The following ATXN7L2 variants were observed in gnomAD, a reference collection of about 807,000 sequenced individuals.
The protein encoded by ATXN7L2 is ataxin 7 like 2.
Under a neutral mutation model 59.6 loss-of-function variants are expected in ATXN7L2, and 17 were observed. The observed-to-expected ratio is 0.29, with a 90% confidence interval of 0.20 to 0.43. The LOEUF (loss-of-function observed/expected upper bound fraction) is 0.43. ATXN7L2 is among the 20% of genes least tolerant of loss of function. The probability of loss-of-function intolerance (pLI) is 1.00; values close to 1 mark genes in which losing one functional copy is unlikely to be tolerated. For missense variants in ATXN7L2, 858 were observed against 1,008.9 expected, an observed-to-expected ratio of 0.85 and a Z score of 2.03; for synonymous variants, 378 against 392.5, an observed-to-expected ratio of 0.96 and a Z score of 0.44.
Position 109,490,277 on chromosome 1 carries a change from A to G in ATXN7L2, c.1339A>G (p.Thr447Ala). 2 of 1,613,664 alleles carry G rather than the reference A, an allele frequency of 1.2e-6. No individual in the cohort carries two copies. Among genetic ancestry groups the G allele is most frequent in the Non-Finnish European group, 1.7e-6 (2 of 1,179,966 alleles). Residue 447 changes from threonine (T) to alanine (A), a missense_variant, in exon 9 of 11, where the codon ACC becomes GCC. By Grantham distance (58) the Thr-to-Ala change is moderately conservative. Transcript: ENST00000683729. ...ACCTTCCTTCTGCCTTTAGTTCTGCACCTTTGGGAGCCGGCTGGTGAGCCC... is the reference window on the plus strand; with the variant it reads ...ACCTTCCTTCTGCCTTTAGTTCTGCGCCTTTGGGAGCCGGCTGGTGAGCCC... ...TRPPRPQAFCTFGSRLVSPGC... is the reference protein window; with the variant it reads ...TRPPRPQAFCAFGSRLVSPGC...
At position 109,490,037 on chromosome 1, in the gene ATXN7L2, C is replaced by T. The variant is rs1380454369; in HGVS notation, c.1241C>T (p.Ser414Phe). Residue 414 changes from serine (S) to phenylalanine (F), a missense_variant, in exon 8 of 11, where the codon TCC becomes TTC. Transcript: ENST00000683729. ...FPMPRGGTQA[S>F]SEESEEEGTS... ...ATGCCCCGGGGTGGGACCCAGGCCT[C>T]CAGCGAAGAGAGTGAGGAGGAGGGG... 6.2e-7 allele frequency: 1 copy of T among 1,612,130 alleles called. No homozygotes were observed. Among genetic ancestry groups the T allele is most frequent in the Admixed American group, 1.7e-5 (1 of 59,580 alleles).
intron 7 of ATXN7L2, chr1:109,489,682 C>G: frequency 1.8e-6 from 1 of 557,348 alleles, no homozygotes; most frequent in South Asian, 2.2e-5. Flanking sequence ...AGCAGATTAT[C>G]CCCTGAGGAG....
rs377314546 is a variant in ATXN7L2 at position 109,490,097 on chromosome 1, A to G, written c.1301A>G (p.His434Arg). 1.6e-4 allele frequency: 248 copies of G among 1,589,156 alleles called. 1 individual carries two copies. Among genetic ancestry groups the G allele is most frequent in the Non-Finnish European group, 2.0e-4 (238 of 1,167,240 alleles). ...SDDLHPPPDCHYATRPPRPQA... is the reference protein window; with the variant it reads ...SDDLHPPPDCRYATRPPRPQA... ...GACCTCCACCCACCCCCTGACTGCC[A>G]TTATGCAACCCGGCCCCCACGGCCA... The change falls in exon 8 of 11, where the codon CAT becomes CGT. Residue 434 changes from histidine to arginine, a missense_variant. Physicochemically the swap from His to Arg is conservative, Grantham distance 29. This residue lies in a region of ATXN7L2 where 734 missense variants were observed against 862.3 expected (regional missense o/e 0.85). Transcript: ENST00000683729.
At chr1:109,492,554 G>C (rs573307299) in intron 10 of ATXN7L2, 32 bp from the exon 11 acceptor site, 2 of 1,613,814 alleles carry the variant, frequency 1.2e-6, no homozygotes, top group East Asian at 4.5e-5. Context: ...CCCCCACCCT[G>C]ACCCTTTCTC....
At position 109,488,210 on chromosome 1, in the gene ATXN7L2, A is replaced by G. The variant is rs937212116; in HGVS notation, c.797-173A>G. ...TGGGATAGGGATGGTTCTCACACCCAGCAAGGAGATGTTGATGCCCAGAAG... is the reference window on the plus strand; with the variant it reads ...TGGGATAGGGATGGTTCTCACACCCGGCAAGGAGATGTTGATGCCCAGAAG... On this transcript the variant is annotated intron_variant, in intron 5 of 10. Transcript: ENST00000683729. The surrounding 1 kb of genome is among the most constrained non-coding windows in gnomAD (Gnocchi z 5.0). 2.6e-5 allele frequency among the ~76,000 whole-genome samples: 4 copies of G among 152,252 alleles called. No individual in the cohort carries two copies. Among genetic ancestry groups the G allele is most frequent in the African/African-American group, 9.6e-5 (4 of 41,464 alleles).
chr1:109,485,279 G>A, intron 1 of ATXN7L2: 8 of 977,690 alleles, frequency 8.2e-6, no homozygotes, highest in Non-Finnish European at 9.7e-6. Context: ...AGAGGTAGGG[G>A]GATGGGGAAA....
Position 109,488,966 on chromosome 1 carries a change from G to T in ATXN7L2, c.999G>T (p.Gly333=), listed in dbSNP as rs1407544547. 2 of 1,614,066 alleles carry T rather than the reference G, an allele frequency of 1.2e-6. No individual in the cohort carries two copies. The highest frequency in any genetic ancestry group is 1.7e-6 in the Non-Finnish European group (2 of 1,180,022). The change falls in exon 7 of 11, where the codon GGG becomes GGT. Residue 333 remains glycine (G), a synonymous_variant. Coordinates refer to ENST00000683729, the MANE Select transcript of ATXN7L2 (RefSeq NM_001350175.2). This position sits in a 1 kb window ranked among gnomAD's most constrained non-coding sequence, Gnocchi z 5.0. ...KGESPKEKSP[G]RKEQVLERPS... ...AGTCTCCCAAGGAGAAGAGCCCAGG[G>T]CGCAAGGAGCAAGTTCTCGAGCGCC...
intron 7 of ATXN7L2, chr1:109,489,663 C>T (rs770933919): frequency 5.7e-6 from 3 of 527,510 alleles, no homozygotes; most frequent in Admixed American, 3.6e-5. Flanking sequence ...CTGGAGGAGG[C>T]GGATCTGCAG....
At chr1:109,492,742 T>A, downstream of ATXN7L2, 1 of 914,548 alleles carries the variant, frequency 1.1e-6, no homozygotes. Flanking sequence ...CAAGACTGTC[T>A]CCCTGTTCTG....
chr1:109,492,242 T>G, intron 10 of ATXN7L2: 1 of 540,744 alleles, frequency 1.8e-6, no homozygotes, highest in Non-Finnish European at 2.6e-6. Flanking sequence ...GGGTTTCCAG[T>G]AAAGCCTGCA....
chr1:109,486,546 C>T lies in ATXN7L2; in HGVS notation c.234C>T (p.Phe78=), dbSNP rs1016876402. The change falls in exon 3 of 11, where the codon TTC becomes TTT. Residue 78 remains phenylalanine, a synonymous_variant. Transcript: ENST00000683729. The surrounding 1 kb of genome is among the most constrained non-coding windows in gnomAD (Gnocchi z 4.3). ...IFGHCPAHDD[F]YLVVCNHCSQ... is the part of the protein sequence containing the mutation. ...GGCACTGCCCTGCCCATGATGACTTCTACTTGGTTGTGTGTAACCACTGCA... is the reference window on the plus strand; with the variant it reads ...GGCACTGCCCTGCCCATGATGACTTTTACTTGGTTGTGTGTAACCACTGCA... 6.2e-7 allele frequency: 1 copy of T among 1,614,158 alleles called. No individual in the cohort carries two copies. The highest frequency in any genetic ancestry group is 8.5e-7 in the Non-Finnish European group (1 of 1,179,982).
At chr1:109,490,801 C>T (rs922277647) in intron 9 of ATXN7L2, 121 bp from the exon 10 acceptor site, 2 of 1,167,928 alleles carry the variant, frequency 1.7e-6, no homozygotes, top group Non-Finnish European at 2.4e-6. Flanking sequence ...CAGCAGATGG[C>T]AGCAACTCTG....
intron 1 of ATXN7L2, chr1:109,485,284 G>C (rs1656500226): frequency 1.0e-6 from 1 of 984,758 alleles, no homozygotes; most frequent in African/African-American, 1.8e-5. Flanking sequence ...TAGGGGGATG[G>C]GGAAAAAGCT....
chr1:109,489,190 T>G, intron 7 of ATXN7L2, 90 bp downstream of exon 7: 1 of 1,474,942 alleles, frequency 6.8e-7, no homozygotes, highest in Non-Finnish European at 9.1e-7. Flanking sequence ...GGGAGTGTCC[T>G]GGAAGAGGCA....
intron 1 of ATXN7L2, chr1:109,485,601 C>A (rs942028898): frequency 2.0e-6 from 2 of 985,600 alleles, no homozygotes; most frequent in African/African-American, 3.5e-5. Context: ...AAGGACCCAT[C>A]GAGAAATCTC....
rs767529526 is a variant in ATXN7L2, at chr1:109,491,014, G to A, written c.1547G>A (p.Arg516His). 33 of 1,613,372 alleles carry A rather than the reference G, an allele frequency of 2.0e-5. No homozygotes were observed. The highest frequency in any genetic ancestry group is 2.5e-5 in the Non-Finnish European group (29 of 1,179,900). Residue 516 changes from arginine (R) to histidine (H), a missense_variant, in exon 10 of 11, where the codon CGC (arginine) becomes CAC (histidine). This residue lies in a region of ATXN7L2 where 734 missense variants were observed against 862.3 expected (regional missense o/e 0.85). Transcript: ENST00000683729. The surrounding 1 kb of genome is among the most constrained non-coding windows in gnomAD (Gnocchi z 4.1). ...LSPSSTGTCP[R>H]LPGPTLRPAC... ...CCATCCTCTACAGGCACCTGCCCCC[G>A]CCTTCCAGGTCCAACCCTGAGACCT...
chr1:109,486,694 C>A lies in ATXN7L2; in HGVS notation c.298+84C>A. 1 of 1,222,274 alleles carries A rather than the reference C, an allele frequency of 8.2e-7. No individual in the cohort carries two copies. The highest frequency in any genetic ancestry group is 1.2e-6 in the Non-Finnish European group (1 of 845,646). 75.7% of individuals were successfully genotyped at this position (1,222,274 alleles called of 1,614,324 possible). On this transcript the variant is annotated intron_variant, in intron 3 of 10. Coordinates refer to ENST00000683729, the MANE Select transcript of ATXN7L2 (RefSeq NM_001350175.2). This position sits in a 1 kb window ranked among gnomAD's most constrained non-coding sequence, Gnocchi z 4.3. ...GAGGACAGGGTCAGTTGGGAGGTCT[C>A]GTAGGGTAATGGAGGGTGGTGTTGA...
Position 109,487,814 on chromosome 1 carries a change from T to C in ATXN7L2, c.796+10T>C. 1.3e-6 allele frequency: 2 copies of C among 1,585,756 alleles called. No homozygotes were observed. On this transcript the variant is annotated intron_variant, in intron 5 of 10. Coordinates refer to ENST00000683729, the MANE Select transcript of ATXN7L2 (RefSeq NM_001350175.2). ...CACCGGAAGATGGCTCGTGAGTAGT[T>C]GTGGTCTTGGGGGTCCAGAATGTAG...
At chr1:109,485,411 T>A in intron 1 of ATXN7L2, 1 of 985,412 alleles carries the variant, frequency 1.0e-6, no homozygotes, top group Non-Finnish European at 1.2e-6. Context: ...AAGGAGACTT[T>A]GAAGATGCTC....
Sources: allele counts gnomAD v4.1 joint callset (sites outside exome capture counted in the v4.1 genomes callset), GRCh38; gene constraint gnomAD v4.1.1; regional missense constraint gnomAD v4.1.1; non-coding constraint Gnocchi (gnomAD v3.1); transcripts MANE v1.5; gene names NCBI Gene and HGNC (gene_info 2026-07-23, HGNC 2026-07-21).